The following NCAM2 variants were observed in gnomAD, a reference collection of about 807,000 sequenced individuals.
The protein encoded by NCAM2 is N-CAM-2.
A neutral mutation model predicts 98.1 loss-of-function variants in NCAM2; 30 were observed. The ratio of observed to expected loss-of-function variants is 0.31; its 90% CI spans 0.23 to 0.41. NCAM2 has a LOEUF of 0.41. NCAM2 is among the 10% of genes least tolerant of loss of function. The pLI is 1.00. For synonymous variants in NCAM2, 368 were observed against 342.4 expected (o/e 1.07, Z -0.83); for missense variants, 867 against 1,005.8 (o/e 0.86, Z 1.87).
At chr21:21,249,591 G>C (rs1479757837) in intron 1 of NCAM2, among the ~76,000 whole-genome samples, 1 of 152,108 alleles carries the variant, frequency 6.6e-6, no homozygotes, top group Non-Finnish European at 1.5e-5. Context: ...ACAAATTTGT[G>C]CTAAGATAAT....
chr21:21,233,575 A>G (rs760377752), intron 1 of NCAM2, among the ~76,000 whole-genome samples: 2 of 151,734 alleles, frequency 1.3e-5, no homozygotes, highest in Non-Finnish European at 3.0e-5. Flanking sequence ...AAAAATGATC[A>G]TATTAAATAT....
chr21:21,280,791 G>T, intron 2 of NCAM2, 139 bp downstream of exon 2: 1 of 590,642 alleles, frequency 1.7e-6, no homozygotes, highest in East Asian at 3.2e-5. Flanking sequence ...TTTTGTTTTT[G>T]TTGTTTTTGA....
chr21:21,080,113 A>G (rs2065760838), intron 1 of NCAM2, among the ~76,000 whole-genome samples: 1 of 152,176 alleles, frequency 6.6e-6, no homozygotes, highest in African/African-American at 2.4e-5. Flanking sequence ...CAAAAGGGCA[A>G]AGGAAACTTT....
chr21:21,412,002 T>C (rs2076896541), intron 10 of NCAM2, among the ~76,000 whole-genome samples: 1 of 152,266 alleles, frequency 6.6e-6, no homozygotes, highest in South Asian at 2.1e-4. Flanking sequence ...TTATGTGTTT[T>C]ACCTTAGTGA....
At chr21:21,117,377 T>C (rs13047566) in intron 1 of NCAM2, among the ~76,000 whole-genome samples, 101 of 152,302 alleles carry the variant, frequency 6.6e-4, no homozygotes, top group Non-Finnish European at 1.1e-3. Flanking sequence ...TATCATACAA[T>C]CCAGCATTTC....
intron 1 of NCAM2, among the ~76,000 whole-genome samples, chr21:21,027,753 C>T (rs891680941): frequency 1.5e-4 from 23 of 152,048 alleles, no homozygotes; most frequent in African/African-American, 5.3e-4. Flanking sequence ...GCCCATTATG[C>T]GTTAATATAC....
Position 21,472,876 on chromosome 21 carries a change from G to C in NCAM2, c.1896+4093G>C, listed in dbSNP as rs1039180783. ...CATGGAACAAAGGCAAGTAGAATCT[G>C]TTATGATCATGGAAAAAGAGATTTA... On this transcript the variant is annotated intron_variant, in intron 14 of 17. Transcript: ENST00000400546. 2.0e-5 allele frequency among the ~76,000 whole-genome samples: 3 copies of C among 151,686 alleles called. No individual in the cohort carries two copies. In the East Asian group the frequency reaches 5.8e-4, roughly 29 times the overall value.
At chr21:21,151,126 T>C (rs9976462) in intron 1 of NCAM2, among the ~76,000 whole-genome samples, 147,372 of 151,946 alleles carry the variant, frequency 0.97, 71,613 homozygotes, top group East Asian at 1. Context: ...AACACTTCTG[T>C]ATCTGGCAAT....
At chr21:21,214,276 A>G (rs778223359) in intron 1 of NCAM2, among the ~76,000 whole-genome samples, 1 of 152,162 alleles carries the variant, frequency 6.6e-6, no homozygotes, top group Non-Finnish European at 1.5e-5. Context: ...GGAAATAAGC[A>G]TGGTAATTAC....
chr21:21,466,699 T>C lies in NCAM2; in HGVS notation c.1748T>C (p.Ile583Thr). 1.2e-6 allele frequency: 2 copies of C among 1,608,794 alleles called. 1 individual carries two copies. The highest frequency in any genetic ancestry group is 3.3e-4 in the Middle Eastern group (2 of 6,034). Reference protein sequence around the residue: ...NGKGQGDYSKIEIFQTLPVRE... With the variant: ...NGKGQGDYSKTEIFQTLPVRE... Reference sequence around the variant, plus strand: ...AAGGGACAAGGAGACTACAGTAAAATAGAAATCTTCCAAACATTACCAGTT... The same window carrying C: ...AAGGGACAAGGAGACTACAGTAAAACAGAAATCTTCCAAACATTACCAGTT... The change falls in exon 13 of 18, where the codon ATA becomes ACA. Residue 583 changes from isoleucine (I) to threonine (T), a missense_variant. Coordinates refer to ENST00000400546, the MANE Select transcript of NCAM2 (RefSeq NM_004540.5).
intron 1 of NCAM2, among the ~76,000 whole-genome samples, chr21:21,116,678 C>T (rs1223000774): frequency 6.6e-6 from 1 of 152,022 alleles, no homozygotes; most frequent in Non-Finnish European, 1.5e-5. Context: ...CACGTGAAAC[C>T]CTGTCTCTAC....
chr21:21,200,426 G>T (rs539872164), intron 1 of NCAM2, among the ~76,000 whole-genome samples: 8 of 115,928 alleles, frequency 6.9e-5, no homozygotes, highest in Admixed American at 6.0e-4. Context: ...AAAAAAAAAA[G>T]CCTTGAAATC....
rs1429338024 is a variant in NCAM2 at position 21,265,359 on chromosome 21, ATAT to A, written c.56-15215_56-15213del. 3.2e-5 allele frequency among the ~76,000 whole-genome samples: 3 copies of A among 95,090 alleles called. No homozygotes were observed. The East Asian group carries it at 9.7e-4, about 31-fold the overall frequency. The allele number at this position is 95,090 out of a possible 152,430, so 62.4% of individuals were successfully genotyped here. A position where few individuals can be genotyped will look rare whatever the true frequency, so the allele number is the denominator to read the frequency against. On this transcript the variant is annotated intron_variant, in intron 1 of 17. Transcript: ENST00000400546. ...ATATATGTGTATGTATGTATATATT[ATAT>A]TATATATACACATACACATATATGT...
intron 12 of NCAM2, among the ~76,000 whole-genome samples, chr21:21,434,795 C>G (rs1196641999): frequency 6.6e-6 from 1 of 152,178 alleles, no homozygotes; most frequent in Non-Finnish European, 1.5e-5. Context: ...CACATTGTCT[C>G]TGGCCTCCAT....
chr21:21,255,215 C>T (rs916062856), intron 1 of NCAM2, among the ~76,000 whole-genome samples: 31 of 152,084 alleles, frequency 2.0e-4, no homozygotes, highest in Non-Finnish European at 3.8e-4. Context: ...GAGTTATCCC[C>T]GAGTACGTTG....
intron 16 of NCAM2, among the ~76,000 whole-genome samples, chr21:21,528,921 G>T (rs1989476135): frequency 1.3e-5 from 2 of 152,158 alleles, no homozygotes; most frequent in East Asian, 1.9e-4. Flanking sequence ...TTCCAGAAAA[G>T]AAGTTATATA....
rs141483218 is a variant in NCAM2 at position 21,042,888 on chromosome 21, T to C, written c.55+44270T>C. ...AGAACATATTACTGTACTTTATCTGTTTGAAAGCTTTATAAAAGGCAAGGA... is the reference window on the plus strand; with the variant it reads ...AGAACATATTACTGTACTTTATCTGCTTGAAAGCTTTATAAAAGGCAAGGA... On this transcript the variant is annotated intron_variant, in intron 1 of 17. Transcript: ENST00000400546. Among the ~76,000 whole-genome samples the C allele has an allele frequency of 1.5e-4, 23 of 152,328 alleles. No individual in the cohort carries two copies. The East Asian group carries it at 4.4e-3, about 29-fold the overall frequency.
intron 1 of NCAM2, among the ~76,000 whole-genome samples, chr21:21,248,887 C>T (rs570764459): frequency 6.8e-6 from 1 of 147,540 alleles, no homozygotes; most frequent in African/African-American, 2.5e-5. Context: ...ATTGAACTTG[C>T]ACTTTATCTT....
At chr21:21,517,452 T>C (rs1988773813) in intron 16 of NCAM2, among the ~76,000 whole-genome samples, 1 of 152,198 alleles carries the variant, frequency 6.6e-6, no homozygotes, top group South Asian at 2.1e-4. Context: ...ATTCTGTAGA[T>C]AGTATGCAAG....
Sources: allele counts gnomAD v4.1 joint callset (sites outside exome capture counted in the v4.1 genomes callset), GRCh38; gene constraint gnomAD v4.1.1; transcripts MANE v1.5; gene names NCBI Gene and HGNC (gene_info 2026-07-23, HGNC 2026-07-21).